The following FARP1 variants were observed in gnomAD, a reference collection of about 807,000 sequenced individuals.
The protein encoded by FARP1 is FERM, ARHGEF and pleckstrin domain-containing protein 1.
Under a neutral mutation model 128.8 loss-of-function variants are expected in FARP1, and 52 were observed. The ratio of observed to expected loss-of-function variants is 0.40; its 90% CI spans 0.32 to 0.51. The LOEUF (loss-of-function observed/expected upper bound fraction) is 0.51. Among genes scored for constraint, FARP1 ranks in the 20% least tolerant of loss-of-function variants. The probability of loss-of-function intolerance (pLI) is 0.45; values close to 1 mark genes in which losing one functional copy is unlikely to be tolerated. For missense variants in FARP1, 1,333 were observed against 1,367.9 expected, an observed-to-expected ratio of 0.97 and a Z score of 0.40; for synonymous variants, 580 against 551.8, an observed-to-expected ratio of 1.05 and a Z score of -0.72.
intron 24 of FARP1, among the ~76,000 whole-genome samples, chr13:98,443,166 A>G (rs374974362): frequency 1.1e-4 from 17 of 152,346 alleles, no homozygotes; most frequent in Non-Finnish European, 2.2e-4. Context: ...TGGCTGCTAC[A>G]TAATGTCTTC....
intron 13 of FARP1, chr13:98,406,495 A>G (rs7317925): frequency 0.84 from 128,133 of 152,246 alleles, 53,967 homozygotes; most frequent in Middle Eastern, 0.9. Flanking sequence ...CTTAGGCCCT[A>G]TAAGCAAAGC....
Position 98,453,452 on chromosome 13 carries a change from T to C in FARP1, c.*5135T>C. 1 of 511,694 alleles carries C rather than the reference T, an allele frequency of 2.0e-6. No homozygotes were observed. Among genetic ancestry groups the C allele is most frequent in the Non-Finnish European group, 3.4e-6 (1 of 292,394 alleles). The allele number at this position is 511,694 out of a possible 1,614,324, so 31.7% of individuals were successfully genotyped here. ...AAACCAAGAATGGGTTCAGCCTCCC[T>C]GGAGAGATGTGAATAAAACGGGAAA... On this transcript the variant is annotated 3_prime_UTR_variant, in exon 27 of 27. Coordinates refer to ENST00000319562, the MANE Select transcript of FARP1 (RefSeq NM_005766.4).
rs559416753 is a variant in FARP1, at chr13:98,431,287, G to A, written c.2143+7G>A. On this transcript the variant is annotated splice_region_variant and intron_variant, in intron 18 of 26. Coordinates refer to ENST00000319562, the MANE Select transcript of FARP1 (RefSeq NM_005766.4). ...GACTTCAGGGACTGCCGAGGTGAGT[G>A]CTGGGAGCCTGCGCCACCTGGTGCC... The A allele has an allele frequency of 2.5e-5, 40 of 1,570,204 alleles. No individual in the cohort carries two copies. In the East Asian group the frequency reaches 8.8e-4, roughly 35 times the overall value.
At chr13:98,258,122 G>A (rs1271456285) in intron 2 of FARP1, among the ~76,000 whole-genome samples, 2 of 151,834 alleles carry the variant, frequency 1.3e-5, no homozygotes, top group African/African-American at 2.4e-5. Context: ...ACCCGCGACC[G>A]TGCCCGGCTA....
intron 2 of FARP1, among the ~76,000 whole-genome samples, chr13:98,316,244 C>G (rs968990431): frequency 6.6e-6 from 1 of 152,142 alleles, no homozygotes; most frequent in African/African-American, 2.4e-5. Context: ...CAGATGTGGA[C>G]TCCCTAAAAA....
chr13:98,310,103 G>A (rs1886394047), intron 2 of FARP1, among the ~76,000 whole-genome samples: 1 of 146,350 alleles, frequency 6.8e-6, no homozygotes, highest in South Asian at 2.1e-4. Flanking sequence ...CCCATAATAG[G>A]CTTAAGTGTA....
intron 2 of FARP1, among the ~76,000 whole-genome samples, chr13:98,217,022 A>G (rs1881101040): frequency 6.6e-6 from 1 of 152,150 alleles, no homozygotes; most frequent in Non-Finnish European, 1.5e-5. Flanking sequence ...AGGTGCCCCT[A>G]TGCCCGCCCA....
chr13:98,377,163 G>A lies in FARP1; in HGVS notation c.399-658G>A, dbSNP rs145410219. ...TAAAAATACAAAAAATTAGCTGGGC[G>A]TGGTGGCGTGCACCTGTAGTCCCAG... On this transcript the variant is annotated intron_variant, in intron 5 of 26. Transcript: ENST00000319562. Among the ~76,000 whole-genome samples, 32 of 151,940 alleles carry A rather than the reference G, an allele frequency of 2.1e-4. No individual in the cohort carries two copies. The East Asian group carries it at 2.3e-3, about 11-fold the overall frequency.
rs1882780630 is a variant in FARP1 at position 98,241,668 on chromosome 13, C to T, written c.171+28255C>T. Among the ~76,000 whole-genome samples, 3 of 152,132 alleles carry T rather than the reference C, an allele frequency of 2.0e-5. No individual in the cohort carries two copies. In the South Asian group the frequency reaches 6.2e-4, roughly 31 times the overall value. On this transcript the variant is annotated intron_variant, in intron 2 of 26. Coordinates refer to ENST00000319562, the MANE Select transcript of FARP1 (RefSeq NM_005766.4). ...TGGTGGCTCACGCCTGTAATCCTAG[C>T]ATTTTGGGAGGCTGAGGTGGGTGGA...
rs943220618 is a variant in FARP1 at position 98,143,148 on chromosome 13, G to A, written c.-368G>A. The A allele has an allele frequency of 1.4e-5, 2 of 147,626 alleles. No homozygotes were observed. Among genetic ancestry groups the A allele is most frequent in the African/African-American group, 4.9e-5 (2 of 40,952 alleles). 9.1% of individuals were successfully genotyped at this position (147,626 alleles called of 1,614,324 possible). On this transcript the variant is annotated 5_prime_UTR_variant, in exon 1 of 27. Coordinates refer to ENST00000319562, the MANE Select transcript of FARP1 (RefSeq NM_005766.4). The stretch of plus-strand genomic sequence containing the variant: ...GCGGGTCCGGCGCGGGCGCAGCGGT[G>A]CGGGCGCTCGGCTGGGGCGCGGGGC...
chr13:98,315,032 C>T (rs1417017920), intron 2 of FARP1, among the ~76,000 whole-genome samples: 1 of 152,198 alleles, frequency 6.6e-6, no homozygotes, highest in African/African-American at 2.4e-5. Flanking sequence ...TCATGGATGG[C>T]CAACAGGACA....
intron 2 of FARP1, among the ~76,000 whole-genome samples, chr13:98,232,166 T>TTTTTTTTTTTTA (rs1882167543): frequency 6.8e-6 from 1 of 146,078 alleles, no homozygotes; most frequent in Non-Finnish European, 1.5e-5. Flanking sequence ...TTTTTTTTTT[T>TTTTTTTTTTTTA]GCTTAACTAA....
Position 98,440,154 on chromosome 13 carries a change from G to A in FARP1, c.2548G>A (p.Asp850Asn). The change falls in exon 23 of 27, where the codon GAC (aspartate) becomes AAC (asparagine). Residue 850 changes from aspartate (D) to asparagine (N), a missense_variant. Coordinates refer to ENST00000319562, the MANE Select transcript of FARP1 (RefSeq NM_005766.4). The stretch of plus-strand genomic sequence containing the variant: ...GTCCGAGATGGAGAAGTGGGTTGAG[G>A]ACATCCAGATGGCCATTGACCTGGC... ...SRSEMEKWVE[D>N]IQMAIDLAEK... The A allele has an allele frequency of 1.9e-6, 3 of 1,614,082 alleles. No homozygotes were observed. Among genetic ancestry groups the A allele is most frequent in the South Asian group, 1.1e-5 (1 of 91,076 alleles).
At chr13:98,199,023 C>T (rs1194125110) in intron 1 of FARP1, among the ~76,000 whole-genome samples, 2 of 121,388 alleles carry the variant, frequency 1.6e-5, no homozygotes, top group Non-Finnish European at 3.5e-5. Context: ...GGCAGCTGTG[C>T]ACTATTTCAG....
intron 26 of FARP1, chr13:98,447,119 A>G (rs1417989462): frequency 3.1e-6 from 1 of 324,186 alleles, no homozygotes; most frequent in Non-Finnish European, 5.8e-6. Context: ...GAGACTGCCT[A>G]CATGGTGTAA....
intron 2 of FARP1, among the ~76,000 whole-genome samples, chr13:98,259,763 G>A (rs1316876910): frequency 6.6e-6 from 1 of 152,064 alleles, no homozygotes; most frequent in Admixed American, 6.6e-5. Context: ...GGTTGTTGGA[G>A]TAAGTCAGGT....
intron 2 of FARP1, among the ~76,000 whole-genome samples, chr13:98,312,591 C>A (rs183623159): frequency 4.6e-5 from 7 of 152,204 alleles, no homozygotes; most frequent in South Asian, 2.1e-4. Flanking sequence ...TGCTTCCCCC[C>A]CCACCGGAAA....
chr13:98,348,503 G>T (rs1287441794), intron 3 of FARP1, among the ~76,000 whole-genome samples: 1 of 152,242 alleles, frequency 6.6e-6, no homozygotes, highest in East Asian at 1.9e-4. Context: ...GACTTTGCAG[G>T]ATTCTTGCTA....
At chr13:98,342,445 T>A (rs1416875013) in intron 2 of FARP1, among the ~76,000 whole-genome samples, 2 of 152,210 alleles carry the variant, frequency 1.3e-5, no homozygotes, top group African/African-American at 4.8e-5. Context: ...GTACCTGTAG[T>A]CCCAGCACTT....
Sources: gnomAD v4.1 joint callset for allele counts (sites outside exome capture counted in the v4.1 genomes callset) on GRCh38, gnomAD v4.1.1 for gene constraint, MANE v1.5 for transcripts, NCBI Gene and HGNC (gene_info 2026-07-23, HGNC 2026-07-21) for gene names.